Variants in KLF8 observed in about 807,000 individuals in gnomAD.
KLF8 encodes the protein KLF transcription factor 8, also known as Krueppel-like factor 8.
In KLF8, 10 loss-of-function variants were observed where a neutral mutation model predicts 18.2. The observed-to-expected ratio is 0.55, with a 90% confidence interval of 0.34 to 0.93. KLF8 has a LOEUF of 0.93. Among genes scored for constraint, KLF8 ranks in the 40% least tolerant of loss-of-function variants. The pLI, the probability that KLF8 is intolerant of heterozygous loss-of-function variation, is 0.02. For synonymous variants in KLF8, 109 were observed against 97.3 expected, an observed-to-expected ratio of 1.12 and a Z score of -0.71; for missense variants, 264 against 277.9, an observed-to-expected ratio of 0.95 and a Z score of 0.36.
the KLF8 span, among the ~76,000 whole-genome samples, chrX:55,996,010 T>A: frequency 2.4e-3 from 273 of 112,025 alleles, 2 homozygotes; most frequent in Non-Finnish European, 3.9e-3. Context: ...GAGTCATAAG[T>A]TTGGTCTCTT....
the KLF8 span, among the ~76,000 whole-genome samples, chrX:56,097,561 G>A: frequency 2.9e-5 from 3 of 104,500 alleles, no homozygotes; most frequent in African/African-American, 7.0e-5. Flanking sequence ...GTACATGTGC[G>A]CAATGTGCAG....
the KLF8 span, among the ~76,000 whole-genome samples, chrX:56,024,270 C>T: frequency 3.0e-4 from 32 of 106,548 alleles, no homozygotes; most frequent in South Asian, 9.4e-3. Context: ...TGCAGTAGCG[C>T]GATCTTGGCT....
In KLF8 at chrX:56,265,664, A is replaced by G. The variant is rs1260887085; in HGVS notation, c.566A>G (p.Tyr189Cys). The G allele has an allele frequency of 1.7e-6, 2 of 1,210,314 alleles. No individual in the cohort carries two copies. The highest frequency in any genetic ancestry group is 2.2e-6 in the Non-Finnish European group (2 of 895,148). ...GTAGTGCAGTCTCTGCCCATGGTGT[A>G]TACTACTTTGCCTGCAGATGGGGGC... is the stretch of plus-strand genomic sequence containing the variant. ...PVVVQSLPMV[Y>C]TTLPADGGPA... The change falls in exon 3 of 6, where the codon TAT becomes TGT. Residue 189 changes from tyrosine (Y) to cysteine (C), a missense_variant. Transcript: ENST00000468660.
chrX:56,238,636 G>GAC, intron 1 of KLF8, among the ~76,000 whole-genome samples: 2 of 111,180 alleles, frequency 1.8e-5, no homozygotes, highest in Non-Finnish European at 3.8e-5. Flanking sequence ...TTACTCATCT[G>GAC]GCCTAGGTGG....
At chrX:56,166,478 C>T in the KLF8 span, among the ~76,000 whole-genome samples, 1 of 111,694 alleles carries the variant, frequency 9.0e-6, no homozygotes, top group Non-Finnish European at 1.9e-5. Context: ...ATTGTTTGGC[C>T]TCATGGGCCC....
chrX:56,077,368 G>A, the KLF8 span, among the ~76,000 whole-genome samples: 101 of 111,531 alleles, frequency 9.1e-4, 1 homozygote, highest in South Asian at 3.4e-3. Flanking sequence ...ATGGCTAGCC[G>A]GTTTTCCCAG....
chrX:56,184,067 G>A, the KLF8 span, among the ~76,000 whole-genome samples: 2 of 112,528 alleles, frequency 1.8e-5, no homozygotes, highest in Non-Finnish European at 3.8e-5. Context: ...AGCAGAGTGA[G>A]GCATTGCCTC....
chrX:56,198,867 G>A, the KLF8 span, among the ~76,000 whole-genome samples: 4 of 111,817 alleles, frequency 3.6e-5, no homozygotes, highest in Admixed American at 1.9e-4. Flanking sequence ...AACCAAAACA[G>A]CATGGTACTG....
the KLF8 span, among the ~76,000 whole-genome samples, chrX:56,001,148 G>A: frequency 1.8e-5 from 2 of 112,033 alleles, no homozygotes; most frequent in Admixed American, 9.5e-5. Flanking sequence ...TGGGATCATC[G>A]AAACTGCTGT....
At chrX:56,069,861 G>A in the KLF8 span, among the ~76,000 whole-genome samples, 1 of 112,416 alleles carries the variant, frequency 8.9e-6, no homozygotes, top group African/African-American at 3.2e-5. Flanking sequence ...CAAGGATCTA[G>A]AACCAGAAAT....
At chrX:56,049,425 T>A in the KLF8 span, among the ~76,000 whole-genome samples, 2 of 110,901 alleles carry the variant, frequency 1.8e-5, no homozygotes, top group African/African-American at 6.6e-5. Flanking sequence ...GCTCTTATTA[T>A]TTTGAAATAC....
chrX:55,934,152 A>G, the KLF8 span, among the ~76,000 whole-genome samples: 3 of 112,059 alleles, frequency 2.7e-5, no homozygotes, highest in Non-Finnish European at 5.6e-5. Context: ...TAGAACATCT[A>G]CATTTGCCTT....
the KLF8 span, among the ~76,000 whole-genome samples, chrX:56,070,936 T>C: frequency 1.6e-4 from 18 of 112,334 alleles, no homozygotes; most frequent in East Asian, 4.7e-3. Context: ...TGGGAATATA[T>C]GCATCATTTA....
At chrX:56,200,980 T>A in the KLF8 span, among the ~76,000 whole-genome samples, 9 of 111,724 alleles carry the variant, frequency 8.1e-5, no homozygotes. Context: ...ACATATTGGT[T>A]AGGATTGTGG....
chrX:55,933,623 A>G, the KLF8 span, among the ~76,000 whole-genome samples: 1 of 112,064 alleles, frequency 8.9e-6, no homozygotes, highest in Non-Finnish European at 1.9e-5. Context: ...ATTTCTGTTG[A>G]TAATTTAGAA....
At chrX:56,114,090 G>A in the KLF8 span, among the ~76,000 whole-genome samples, 1 of 111,983 alleles carries the variant, frequency 8.9e-6, no homozygotes, top group African/African-American at 3.2e-5. Context: ...AGGAGGCCCC[G>A]CCCGGTTAGG....
chrX:56,132,524 T>TA, the KLF8 span, among the ~76,000 whole-genome samples: 782 of 110,348 alleles, frequency 7.1e-3, 4 homozygotes, highest in Non-Finnish European at 0.012. Context: ...AATCCCTACA[T>TA]AAAAAAATCT....
chrX:56,119,663 G>A, the KLF8 span, among the ~76,000 whole-genome samples: 1 of 110,031 alleles, frequency 9.1e-6, no homozygotes, highest in African/African-American at 3.3e-5. Context: ...GCCTCCCAAA[G>A]TGCTAGGATT....
the KLF8 span, among the ~76,000 whole-genome samples, chrX:56,177,083 A>C: frequency 9.0e-6 from 1 of 111,097 alleles, no homozygotes; most frequent in Non-Finnish European, 1.9e-5. Context: ...TGATCGTCTG[A>C]AGCCTTCTTC....
Sources: allele counts gnomAD v4.1 joint callset (sites outside exome capture counted in the v4.1 genomes callset), GRCh38; gene constraint gnomAD v4.1.1; transcripts MANE v1.5; gene names NCBI Gene and HGNC (gene_info 2026-07-23, HGNC 2026-07-21).